The following KCNQ5 variants were observed in gnomAD, a reference collection of about 807,000 sequenced individuals.
KCNQ5 encodes the protein potassium voltage-gated channel subfamily KQT member 5.
Under a neutral mutation model 98.2 loss-of-function variants are expected in KCNQ5, and 30 were observed. The observed-to-expected ratio is 0.31, with a 90% confidence interval of 0.23 to 0.41. The LOEUF (loss-of-function observed/expected upper bound fraction) is 0.41. Among genes scored for constraint, KCNQ5 ranks in the 10% least tolerant of loss-of-function variants. KCNQ5 has a pLI of 1.00. For synonymous variants in KCNQ5, 458 were observed against 449.4 expected, an observed-to-expected ratio of 1.02 and a Z score of -0.24; for missense variants, 835 against 1,182.5, an observed-to-expected ratio of 0.71 and a Z score of 4.31.
At chr6:73,152,414 C>T (rs1181278256) in intron 10 of KCNQ5, among the ~76,000 whole-genome samples, 1 of 152,136 alleles carries the variant, frequency 6.6e-6, no homozygotes, top group East Asian at 1.9e-4. Context: ...AAACCTCTTA[C>T]TAAGATTTTC....
intron 1 of KCNQ5, among the ~76,000 whole-genome samples, chr6:72,692,630 A>G (rs991535682): frequency 3.9e-5 from 6 of 152,240 alleles, no homozygotes; most frequent in African/African-American, 1.4e-4. Flanking sequence ...AGGCACAGCT[A>G]GGAATGGGCT....
intron 1 of KCNQ5, among the ~76,000 whole-genome samples, chr6:72,955,949 AC>A (rs1242884771): frequency 6.6e-6 from 1 of 151,944 alleles, no homozygotes; most frequent in Non-Finnish European, 1.5e-5. Context: ...AACAAAACAA[AC>A]CCAGTAATTC....
intron 1 of KCNQ5, among the ~76,000 whole-genome samples, chr6:73,000,888 C>G (rs1328033035): frequency 6.6e-6 from 1 of 152,198 alleles, no homozygotes; most frequent in Non-Finnish European, 1.5e-5. Flanking sequence ...TTCTACTGAA[C>G]TAAATGCAGA....
chr6:72,684,870 G>A (rs546656755), intron 1 of KCNQ5, among the ~76,000 whole-genome samples: 1 of 152,160 alleles, frequency 6.6e-6, no homozygotes, highest in African/African-American at 2.4e-5. Context: ...TTCTGTGTGT[G>A]TGTATGCGTG....
intron 1 of KCNQ5, among the ~76,000 whole-genome samples, chr6:72,746,664 C>G (rs1771423281): frequency 6.6e-6 from 1 of 152,204 alleles, no homozygotes; most frequent in Admixed American, 6.5e-5. Context: ...TAAGCAAAAT[C>G]TCATAGCAAC....
At chr6:72,952,123 A>T (rs1766835143) in intron 1 of KCNQ5, among the ~76,000 whole-genome samples, 1 of 152,224 alleles carries the variant, frequency 6.6e-6, no homozygotes, top group African/African-American at 2.4e-5. Context: ...GGAAGCAAAG[A>T]AGGATTCAGT....
chr6:72,675,641 T>G (rs1314452863), intron 1 of KCNQ5, among the ~76,000 whole-genome samples: 1 of 152,232 alleles, frequency 6.6e-6, no homozygotes, highest in Non-Finnish European at 1.5e-5. Flanking sequence ...TGAACTTTCT[T>G]GGCATGCTTC....
chr6:72,703,412 G>A (rs952615797), intron 1 of KCNQ5, among the ~76,000 whole-genome samples: 1 of 152,094 alleles, frequency 6.6e-6, no homozygotes, highest in Non-Finnish European at 1.5e-5. Flanking sequence ...TCTATGGCTG[G>A]TTTGTTTGTT....
chr6:73,007,478 C>A (rs112438410), intron 2 of KCNQ5, among the ~76,000 whole-genome samples: 7 of 152,312 alleles, frequency 4.6e-5, no homozygotes, highest in Non-Finnish European at 7.4e-5. Context: ...CCCACCTAAA[C>A]AACAATTGCA....
At chr6:73,007,919 G>T (rs888590116) in intron 2 of KCNQ5, among the ~76,000 whole-genome samples, 3 of 151,986 alleles carry the variant, frequency 2.0e-5, no homozygotes, top group Non-Finnish European at 1.5e-5. Context: ...TCCTTTTTTG[G>T]AATACAGTGT....
chr6:72,632,512 T>A (rs2098921577), intron 1 of KCNQ5, among the ~76,000 whole-genome samples: 1 of 152,186 alleles, frequency 6.6e-6, no homozygotes, highest in African/African-American at 2.4e-5. Context: ...GTTTGTTACA[T>A]GGGTATATTG....
chr6:72,676,508 T>G (rs1767414819), intron 1 of KCNQ5, among the ~76,000 whole-genome samples: 1 of 152,176 alleles, frequency 6.6e-6, no homozygotes, highest in Admixed American at 6.5e-5. Flanking sequence ...GTTTTTGAAG[T>G]GAATTTCTGG....
chr6:72,671,857 C>G (rs1767125444), intron 1 of KCNQ5, among the ~76,000 whole-genome samples: 1 of 152,014 alleles, frequency 6.6e-6, no homozygotes. Flanking sequence ...CGCTCTGTCA[C>G]CCAGGCTGGA....
intron 1 of KCNQ5, among the ~76,000 whole-genome samples, chr6:72,668,460 A>ATT (rs1456234863): frequency 7.9e-5 from 12 of 151,498 alleles, no homozygotes; most frequent in Non-Finnish European, 1.0e-4. Context: ...TCCTGTTGGG[A>ATT]CTCTGTGTGT....
intron 2 of KCNQ5, among the ~76,000 whole-genome samples, chr6:73,031,926 A>T (rs1246725455): frequency 6.6e-6 from 1 of 152,190 alleles, no homozygotes; most frequent in Non-Finnish European, 1.5e-5. Context: ...GGGCAGCTAT[A>T]AGAACAGAGA....
chr6:73,050,312 G>GGAAGGAAGGAAAGAAGGAAGGA (rs1562147991), intron 3 of KCNQ5, among the ~76,000 whole-genome samples: 1 of 66,150 alleles, frequency 1.5e-5, no homozygotes, highest in Non-Finnish European at 3.2e-5. Flanking sequence ...GGAAGGAAGG[G>GGAAGGAAGGAAAGAAGGAAGGA]AGGGAAGAAG....
At chr6:72,688,641 A>G (rs1180457644) in intron 1 of KCNQ5, among the ~76,000 whole-genome samples, 5 of 152,222 alleles carry the variant, frequency 3.3e-5, no homozygotes, top group African/African-American at 9.6e-5. Flanking sequence ...TGGATAAGTT[A>G]TCTAAGTATA....
intron 1 of KCNQ5, among the ~76,000 whole-genome samples, chr6:72,794,517 T>C (rs1403550695): frequency 6.6e-6 from 1 of 152,220 alleles, no homozygotes; most frequent in Non-Finnish European, 1.5e-5. Flanking sequence ...TTTTAAAGAC[T>C]GATAAAAGAG....
chr6:72,688,794 A>G lies in KCNQ5; in HGVS notation c.398+66207A>G, dbSNP rs562811054. ...TAACTTGTTTGAATGTTCTATAATA[A>G]TGCAAAATGTCTATGATTGCAAGAA... On this transcript the variant is annotated intron_variant, in intron 1 of 13. Transcript: ENST00000370398. Among the ~76,000 whole-genome samples, 9 of 152,316 alleles carry G rather than the reference A, an allele frequency of 5.9e-5. No individual in the cohort carries two copies. The South Asian group carries it at 1.9e-3, about 32-fold the overall frequency.
Sources: gnomAD v4.1 joint callset for allele counts (sites outside exome capture counted in the v4.1 genomes callset) on GRCh38, gnomAD v4.1.1 for gene constraint, MANE v1.5 for transcripts, NCBI Gene and HGNC (gene_info 2026-07-23, HGNC 2026-07-21) for gene names.